Variants in THSD7B observed in about 807,000 individuals in gnomAD.
THSD7B encodes thrombospondin type 1 domain containing 7B, also known as thrombospondin type-1 domain-containing protein 7B.
In THSD7B, 138 loss-of-function variants were observed where a neutral mutation model predicts 213.6. The observed-to-expected ratio is 0.65, with a 90% CI of 0.56 to 0.74. The LOEUF (loss-of-function observed/expected upper bound fraction) is 0.74. THSD7B is among the 30% of genes least tolerant of loss of function. THSD7B has a pLI of 0.00. For synonymous variants in THSD7B, 742 were observed against 687.0 expected (o/e 1.08, Z -1.25); for missense variants, 1,931 against 1,991.5 (o/e 0.97, Z 0.58).
intron 12 of THSD7B, among the ~76,000 whole-genome samples, chr2:137,309,543 A>G (rs956512390): frequency 3.3e-5 from 5 of 151,934 alleles, no homozygotes; most frequent in African/African-American, 1.2e-4. Flanking sequence ...TTTAGGGTAC[A>G]TGTGCACAAT....
At chr2:137,572,667 A>T (rs1423319322) in intron 17 of THSD7B, 111 bp downstream of exon 17, 33 of 1,256,490 alleles carry the variant, frequency 2.6e-5, no homozygotes, top group Non-Finnish European at 3.3e-5. Flanking sequence ...AACATGGGAA[A>T]ATAATTTTTT....
At chr2:136,862,465 G>T (rs1281568992) in intron 1 of THSD7B, among the ~76,000 whole-genome samples, 1 of 152,160 alleles carries the variant, frequency 6.6e-6, no homozygotes, top group Admixed American at 6.5e-5. Context: ...CACCTGGTTA[G>T]CATTGATTAA....
intron 1 of THSD7B, among the ~76,000 whole-genome samples, chr2:136,834,695 G>A (rs1163573663): frequency 2.0e-5 from 3 of 151,970 alleles, no homozygotes; most frequent in African/African-American, 7.3e-5. Context: ...AAAAGAAGAT[G>A]ATTTTATGAG....
chr2:137,403,956 A>G (rs1686435888), intron 12 of THSD7B, among the ~76,000 whole-genome samples: 1 of 152,196 alleles, frequency 6.6e-6, no homozygotes, highest in African/African-American at 2.4e-5. Flanking sequence ...AATTTTCTGT[A>G]GTGCCAAGGT....
chr2:136,869,238 G>C (rs1164398423), intron 1 of THSD7B, among the ~76,000 whole-genome samples: 1 of 152,118 alleles, frequency 6.6e-6, no homozygotes, highest in African/African-American at 2.4e-5. Context: ...TTACCGTAGG[G>C]TTGCGTAACT....
At chr2:137,310,827 T>C (rs1683884024) in intron 12 of THSD7B, among the ~76,000 whole-genome samples, 1 of 152,036 alleles carries the variant, frequency 6.6e-6, no homozygotes, top group Non-Finnish European at 1.5e-5. Context: ...ATATGCGGCG[T>C]TATTTCTGAG....
intron 1 of THSD7B, among the ~76,000 whole-genome samples, chr2:136,798,194 A>G (rs1312505570): frequency 6.6e-6 from 1 of 151,902 alleles, no homozygotes; most frequent in Non-Finnish European, 1.5e-5. Flanking sequence ...CACTCTCATT[A>G]GAATAACAGG....
intron 14 of THSD7B, among the ~76,000 whole-genome samples, chr2:137,416,418 G>A (rs1450213955): frequency 1.3e-5 from 2 of 152,144 alleles, no homozygotes; most frequent in East Asian, 3.9e-4. Context: ...CCCATTGCAG[G>A]AAGTATTTTC....
At chr2:137,089,266 GTGTGTGTGTA>G (rs1164352897) in intron 3 of THSD7B, among the ~76,000 whole-genome samples, 5 of 130,066 alleles carry the variant, frequency 3.8e-5, no homozygotes, top group African/African-American at 1.6e-4. Context: ...GTGTGTGTGT[GTGTGTGTGTA>G]TATGTATATA....
At chr2:137,214,851 G>T (rs1451442269) in intron 7 of THSD7B, among the ~76,000 whole-genome samples, 1 of 152,114 alleles carries the variant, frequency 6.6e-6, no homozygotes. Flanking sequence ...CATTTGGGTT[G>T]GTTCCAAGTC....
At chr2:137,457,405 G>A (rs569888713) in intron 15 of THSD7B, among the ~76,000 whole-genome samples, 2 of 152,156 alleles carry the variant, frequency 1.3e-5, no homozygotes, top group South Asian at 4.1e-4. Flanking sequence ...GGCTGCCCTT[G>A]GGCAGGGTTG....
intron 2 of THSD7B, among the ~76,000 whole-genome samples, chr2:136,888,772 A>C (rs995996968): frequency 6.6e-6 from 1 of 152,164 alleles, no homozygotes; most frequent in Admixed American, 6.5e-5. Context: ...TTACTCTGCT[A>C]TATTTTTTCT....
intron 14 of THSD7B, among the ~76,000 whole-genome samples, chr2:137,449,250 T>C (rs1175938420): frequency 2.6e-5 from 4 of 152,192 alleles, no homozygotes; most frequent in Non-Finnish European, 5.9e-5. Context: ...GGGACTTATT[T>C]ATTTGTTTTA....
At chr2:136,949,415 A>G (rs568579171) in intron 2 of THSD7B, among the ~76,000 whole-genome samples, 1 of 152,316 alleles carries the variant, frequency 6.6e-6, no homozygotes, top group African/African-American at 2.4e-5. Flanking sequence ...CTCCAGATGA[A>G]ATGCATTTGA....
At chr2:137,442,522 C>T (rs1377441) in intron 14 of THSD7B, among the ~76,000 whole-genome samples, 126,510 of 151,682 alleles carry the variant, frequency 0.83, 54,170 homozygotes, top group Non-Finnish European at 0.93. Flanking sequence ...GGAGACTCTG[C>T]GCCAAGTCCT....
chr2:137,219,879 C>T (rs1008230846), intron 7 of THSD7B, among the ~76,000 whole-genome samples: 1 of 152,116 alleles, frequency 6.6e-6, no homozygotes, highest in Non-Finnish European at 1.5e-5. Flanking sequence ...ATTTTCATTG[C>T]ATCATACAGG....
intron 15 of THSD7B, among the ~76,000 whole-genome samples, chr2:137,558,222 C>A (rs1681025554): frequency 6.6e-6 from 1 of 152,186 alleles, no homozygotes; most frequent in Non-Finnish European, 1.5e-5. Context: ...ATGAGGCCAG[C>A]ATCATCCTGA....
At chr2:136,966,800 G>A (rs1025422864) in intron 2 of THSD7B, among the ~76,000 whole-genome samples, 1 of 152,094 alleles carries the variant, frequency 6.6e-6, no homozygotes, top group Non-Finnish European at 1.5e-5. Flanking sequence ...CACCTTCCCT[G>A]CCTAAAACAA....
chr2:137,263,774 A>G (rs879815423), intron 10 of THSD7B, among the ~76,000 whole-genome samples: 27 of 152,170 alleles, frequency 1.8e-4, no homozygotes, highest in Non-Finnish European at 2.8e-4. Flanking sequence ...CTGTTGATGT[A>G]TCTGCTCTAT....
Sources: allele counts gnomAD v4.1 joint callset (sites outside exome capture counted in the v4.1 genomes callset), GRCh38; gene constraint gnomAD v4.1.1; transcripts MANE v1.5; gene names NCBI Gene and HGNC (gene_info 2026-07-23, HGNC 2026-07-21).